The following UBE2W variants were observed in gnomAD, a reference collection of about 807,000 sequenced individuals.
The protein encoded by UBE2W is ubiquitin conjugating enzyme E2 W, also known as ubiquitin-conjugating enzyme E2 W.
UBE2W carries 18 observed loss-of-function variants against 27.2 expected under a neutral mutation model. The ratio of observed to expected loss-of-function variants is 0.66; its 90% CI spans 0.46 to 0.98. The LOEUF (loss-of-function observed/expected upper bound fraction) is 0.98, where lower values mean the gene tolerates loss of function less well. Ranked by LOEUF, UBE2W falls within the 50% of genes least tolerant of loss-of-function variation. UBE2W has a pLI of 0.00. For missense variants in UBE2W, 90 were observed against 180.2 expected, an observed-to-expected ratio of 0.50 and a Z score of 2.87; for synonymous variants, 53 against 57.2, an observed-to-expected ratio of 0.93 and a Z score of 0.33.
At chr8:73,860,701 T>C (rs920315124) in intron 1 of UBE2W, among the ~76,000 whole-genome samples, 1 of 152,106 alleles carries the variant, frequency 6.6e-6, no homozygotes, top group Non-Finnish European at 1.5e-5. Context: ...TTGAGTAAAA[T>C]TTGAATTCAG....
chr8:73,785,431 T>A (rs760062500), downstream of UBE2W, among the ~76,000 whole-genome samples: 3 of 151,960 alleles, frequency 2.0e-5, no homozygotes, highest in Non-Finnish European at 2.9e-5. Flanking sequence ...GTATAAGCCA[T>A]CATGCCTAGC....
rs777375565 is a variant in UBE2W, at chr8:73,805,668, G to A, written c.425C>T (p.Thr142Ile). Residue 142 changes from threonine to isoleucine, a missense_variant, in exon 5 of 6, where the codon ACA becomes ATA. Physicochemically the swap from Thr to Ile is moderately conservative, Grantham distance 89. Coordinates refer to ENST00000602593, the MANE Select transcript of UBE2W (RefSeq NM_018299.6). ...CTGCTTACCATGATACCACCATTTT[G>A]TTTTCTTTGGATTCTTGTTACATGT... ...VRTCNKNPKKTKWWYHDDTC is the reference protein window; with the variant it reads ...VRTCNKNPKKIKWWYHDDTC The A allele has an allele frequency of 6.5e-7, 1 of 1,544,684 alleles. No homozygotes were observed. The highest frequency in any genetic ancestry group is 8.8e-7 in the Non-Finnish European group (1 of 1,140,870).
intron 1 of UBE2W, among the ~76,000 whole-genome samples, chr8:73,878,370 C>T (rs560576793): frequency 4.0e-4 from 61 of 152,344 alleles, no homozygotes; most frequent in South Asian, 8.3e-4. Flanking sequence ...ATTCTCGGCT[C>T]CCGCACACTC....
At position 73,810,594 on chromosome 8, in the gene UBE2W, A is replaced by C. The variant is rs772395322; in HGVS notation, c.246T>G (p.Pro82=). The C allele has an allele frequency of 6.2e-7, 1 of 1,607,374 alleles. No individual in the cohort carries two copies. Among genetic ancestry groups the C allele is most frequent in the South Asian group, 1.1e-5 (1 of 89,928 alleles). Residue 82 remains proline (P), a synonymous_variant, in exon 4 of 6, where the codon CCT becomes CCG. Transcript: ENST00000602593. The part of the protein sequence containing the change: ...MFTGENIPVH[P]HVYSNGHICL... ...AGATATGACCATTGCTATAAACATGAGGATGAACAGGAATATTTTCACCAG... is the reference window on the plus strand; with the variant it reads ...AGATATGACCATTGCTATAAACATGCGGATGAACAGGAATATTTTCACCAG...
chr8:73,801,595 T>C (rs1808647567), intron 5 of UBE2W, among the ~76,000 whole-genome samples: 1 of 152,214 alleles, frequency 6.6e-6, no homozygotes, highest in South Asian at 2.1e-4. Flanking sequence ...TTTGTCAATA[T>C]TCCTAATTGG....
At chr8:73,821,586 T>A (rs1310622167) in intron 3 of UBE2W, among the ~76,000 whole-genome samples, 1 of 131,756 alleles carries the variant, frequency 7.6e-6, no homozygotes, top group African/African-American at 2.8e-5. Flanking sequence ...TGCATGTCCA[T>A]GTGTGTGGTA....
At chr8:73,828,998 G>C (rs572057956) in intron 2 of UBE2W, among the ~76,000 whole-genome samples, 22 of 152,072 alleles carry the variant, frequency 1.4e-4, no homozygotes, top group African/African-American at 5.3e-4. Flanking sequence ...TTATAGCCTA[G>C]AAGATGGCAC....
In UBE2W at chr8:73,818,565, C is replaced by T. The variant is rs531101143; in HGVS notation, c.210+6582G>A. The stretch of plus-strand genomic sequence containing the variant: ...AATGTCCTATATAATCTGTGATGAC[C>T]GCTCCAGCCCAAATGATCTCTCTGA... On this transcript the variant is annotated intron_variant, in intron 3 of 5. Coordinates refer to ENST00000602593, the MANE Select transcript of UBE2W (RefSeq NM_018299.6). Among the ~76,000 whole-genome samples the T allele has an allele frequency of 2.2e-3, 339 of 152,258 alleles. 3 individuals are homozygous for T. Among genetic ancestry groups the T allele is most frequent in the Non-Finnish European group, 4.1e-3 (277 of 68,014 alleles).
intron 4 of UBE2W, among the ~76,000 whole-genome samples, chr8:73,808,240 C>T (rs1039025239): frequency 2.6e-5 from 4 of 151,538 alleles, no homozygotes; most frequent in Non-Finnish European, 5.9e-5. Flanking sequence ...AAATACTTTT[C>T]TTTTTTCTTT....
At chr8:73,797,329 A>G (rs1394994681) in intron 5 of UBE2W, among the ~76,000 whole-genome samples, 6 of 152,242 alleles carry the variant, frequency 3.9e-5, no homozygotes, top group Non-Finnish European at 8.8e-5. Context: ...GTCAGTGGAT[A>G]TGAAGTGGAT....
intron 4 of UBE2W, among the ~76,000 whole-genome samples, chr8:73,810,123 A>G (rs1809094661): frequency 6.6e-6 from 1 of 152,124 alleles, no homozygotes; most frequent in East Asian, 1.9e-4. Flanking sequence ...GCTATGATGC[A>G]CTTTTCTGAG....
intron 1 of UBE2W, among the ~76,000 whole-genome samples, chr8:73,858,224 G>A (rs766467758): frequency 3.3e-5 from 5 of 152,008 alleles, no homozygotes; most frequent in Non-Finnish European, 7.4e-5. Context: ...AGTCGGGTGT[G>A]GTGGTGCACA....
chr8:73,806,438 G>A (rs1052523136), intron 4 of UBE2W, among the ~76,000 whole-genome samples: 1 of 150,526 alleles, frequency 6.6e-6, no homozygotes, highest in South Asian at 2.1e-4. Flanking sequence ...GGTGGCTCAC[G>A]CCTGTAATCC....
chr8:73,859,020 TGG>T (rs1811431333), intron 1 of UBE2W, among the ~76,000 whole-genome samples: 1 of 145,246 alleles, frequency 6.9e-6, no homozygotes, highest in Non-Finnish European at 1.5e-5. Flanking sequence ...GTGTGTGTGG[TGG>T]TTTTTTTGCT....
intron 1 of UBE2W, among the ~76,000 whole-genome samples, chr8:73,862,142 C>G (rs1421151040): frequency 6.6e-6 from 1 of 152,114 alleles, no homozygotes; most frequent in Non-Finnish European, 1.5e-5. Flanking sequence ...ATTAAAATTA[C>G]CTGAAGGCCA....
At position 73,791,709 on chromosome 8, in the gene UBE2W, T is replaced by C. The variant is rs1808209817; in HGVS notation, c.*2393A>G. 4 of 985,188 alleles carry C rather than the reference T, an allele frequency of 4.1e-6. No individual in the cohort carries two copies. Among genetic ancestry groups the C allele is most frequent in the Non-Finnish European group, 4.8e-6 (4 of 829,734 alleles). 61.0% of individuals were successfully genotyped at this position (985,188 alleles called of 1,614,324 possible). A position where few individuals can be genotyped will look rare whatever the true frequency, so the allele number is the denominator to read the frequency against. ...AATGATTCCTAAATTCAAGAGAGTG[T>C]TGTTAGCCTGATTATGAATTTTAAA... On this transcript the variant is annotated 3_prime_UTR_variant, in exon 6 of 6. Transcript: ENST00000602593.
chr8:73,859,366 C>T (rs1242579353), intron 1 of UBE2W, among the ~76,000 whole-genome samples: 1 of 152,016 alleles, frequency 6.6e-6, no homozygotes, highest in East Asian at 1.9e-4. Flanking sequence ...ATTAGCTGGG[C>T]ATGGTGGCGC....
At chr8:73,845,405 ACC>A (rs1332725451) in intron 1 of UBE2W, among the ~76,000 whole-genome samples, 2 of 152,110 alleles carry the variant, frequency 1.3e-5, no homozygotes, top group East Asian at 3.9e-4. Flanking sequence ...CTATAACCTT[ACC>A]CCCAACCCCG....
chr8:73,812,915 G>A (rs1467303844), intron 3 of UBE2W, among the ~76,000 whole-genome samples: 1 of 151,060 alleles, frequency 6.6e-6, no homozygotes, highest in East Asian at 1.9e-4. Flanking sequence ...TGAGGCAGGA[G>A]AATTGCTTGA....
Sources: gnomAD v4.1 joint callset for allele counts (sites outside exome capture counted in the v4.1 genomes callset) on GRCh38, gnomAD v4.1.1 for gene constraint, MANE v1.5 for transcripts, NCBI Gene and HGNC (gene_info 2026-07-23, HGNC 2026-07-21) for gene names.